Variants in HDAC9 observed in about 807,000 individuals in gnomAD.
HDAC9 encodes the protein MEF-2 interacting transcription repressor (MITR) protein.
HDAC9 carries 41 observed loss-of-function variants against 139.4 expected under a neutral mutation model. The ratio of observed to expected loss-of-function variants is 0.29; its 90% CI spans 0.23 to 0.38. The LOEUF is 0.38. Among genes scored for constraint, HDAC9 ranks in the 10% least tolerant of loss-of-function variants. The pLI is 1.00. For synonymous variants in HDAC9, 517 were observed against 476.2 expected (o/e 1.09, Z -1.12); for missense variants, 1,147 against 1,297.0 (o/e 0.88, Z 1.78).
chr7:18,282,940 C>T (rs1238744528), intron 2 of HDAC9, among the ~76,000 whole-genome samples: 1 of 117,304 alleles, frequency 8.5e-6, no homozygotes, highest in Admixed American at 8.2e-5. Context: ...GTATGTGAAA[C>T]TCTTTGACCT....
At chr7:18,183,261 G>A (rs562224854) in intron 2 of HDAC9, among the ~76,000 whole-genome samples, 5 of 152,222 alleles carry the variant, frequency 3.3e-5, no homozygotes, top group East Asian at 1.9e-4. Context: ...CGCCCGCCTC[G>A]GCCTCCCAAA....
At chr7:18,703,350 T>C (rs921316540) in intron 12 of HDAC9, among the ~76,000 whole-genome samples, 1 of 152,180 alleles carries the variant, frequency 6.6e-6, no homozygotes, top group Non-Finnish European at 1.5e-5. Context: ...TAGATATTCA[T>C]ATATCAAAAA....
intron 2 of HDAC9, among the ~76,000 whole-genome samples, chr7:18,253,630 A>G (rs1453786240): frequency 6.6e-6 from 1 of 152,196 alleles, no homozygotes; most frequent in South Asian, 2.1e-4. Flanking sequence ...GCTTAATACA[A>G]TAAAGGATTA....
intron 1 of HDAC9, among the ~76,000 whole-genome samples, chr7:18,346,258 A>T (rs1782412226): frequency 6.6e-6 from 1 of 152,152 alleles, no homozygotes; most frequent in African/African-American, 2.4e-5. Flanking sequence ...AACCTTTGAA[A>T]TTGATGGCTT....
intron 17 of HDAC9, among the ~76,000 whole-genome samples, chr7:18,811,854 G>C (rs537595569): frequency 4.6e-5 from 7 of 151,468 alleles, no homozygotes; most frequent in Non-Finnish European, 1.0e-4. Context: ...GAAAGAAAGG[G>C]AGAGGGAGAG....
intron 12 of HDAC9, among the ~76,000 whole-genome samples, chr7:18,721,322 C>A (rs1464805551): frequency 1.3e-5 from 2 of 151,790 alleles, no homozygotes; most frequent in African/African-American, 4.8e-5. Context: ...TCATGTATGT[C>A]TTTACTTTTT....
Position 18,777,887 on chromosome 7 carries a change from G to A in HDAC9, c.2214+10732G>A, listed in dbSNP as rs114760738. 2.2e-3 allele frequency among the ~76,000 whole-genome samples: 332 copies of A among 152,026 alleles called. 1 individual carries two copies. The highest frequency in any genetic ancestry group is 7.6e-3 in the African/African-American group (317 of 41,508). On this transcript the variant is annotated intron_variant, in intron 16 of 25. Transcript: ENST00000686413. ...GGCTGATTCACAGCCTCACAGCAGA[G>A]ACTAGCCATTCTTTACACAAACCTT...
intron 25 of HDAC9, among the ~76,000 whole-genome samples, chr7:18,982,638 G>A (rs150022034): frequency 4.5e-4 from 68 of 152,016 alleles, no homozygotes; most frequent in African/African-American, 1.6e-3. Context: ...TTCCCAGTCG[G>A]TGCCACTCCC....
At chr7:18,185,357 C>T (rs1258814692) in intron 2 of HDAC9, among the ~76,000 whole-genome samples, 2 of 152,278 alleles carry the variant, frequency 1.3e-5, no homozygotes, top group East Asian at 1.9e-4. Context: ...TTCGTTAAAC[C>T]TCCAAGGTAA....
At chr7:18,307,582 C>T (rs567318393) in intron 1 of HDAC9, among the ~76,000 whole-genome samples, 14 of 152,246 alleles carry the variant, frequency 9.2e-5, no homozygotes, top group African/African-American at 3.4e-4. Context: ...GCGGGCAGAT[C>T]ACCTGAGGTC....
chr7:18,995,964 A>T, intron 25 of HDAC9, 59 bp from the exon 26 acceptor site: 3 of 1,322,022 alleles, frequency 2.3e-6, no homozygotes, highest in East Asian at 2.5e-5. Context: ...ATGCATGAAA[A>T]TCTACAATGT....
intron 23 of HDAC9, among the ~76,000 whole-genome samples, chr7:18,943,880 G>A (rs986116767): frequency 6.6e-6 from 1 of 152,104 alleles, no homozygotes; most frequent in African/African-American, 2.4e-5. Context: ...TAGGTAGGAT[G>A]CAGGCAGACG....
intron 2 of HDAC9, among the ~76,000 whole-genome samples, chr7:18,175,780 C>CCCT (rs1491121748): frequency 1.7e-5 from 2 of 118,636 alleles, no homozygotes; most frequent in Non-Finnish European, 1.7e-5. Context: ...CCCCCCCCCC[C>CCCT]TTTTTTTAGA....
intron 1 of HDAC9, among the ~76,000 whole-genome samples, chr7:18,403,490 A>C (rs1487817425): frequency 6.6e-6 from 1 of 152,200 alleles, no homozygotes; most frequent in African/African-American, 2.4e-5. Context: ...TATATTCAAA[A>C]ATACACCTGC....
chr7:18,464,390 CAA>C (rs1164307034), intron 1 of HDAC9, among the ~76,000 whole-genome samples: 2 of 151,924 alleles, frequency 1.3e-5, no homozygotes, highest in East Asian at 1.9e-4. Flanking sequence ...AAAAAGTTCT[CAA>C]AGTCATCTTT....
chr7:18,454,268 A>G (rs1285585738), intron 1 of HDAC9, among the ~76,000 whole-genome samples: 1 of 152,100 alleles, frequency 6.6e-6, no homozygotes, highest in Non-Finnish European at 1.5e-5. Flanking sequence ...AATTAATCTT[A>G]TAATTTTAGG....
chr7:18,877,545 G>C (rs771163415), intron 22 of HDAC9, among the ~76,000 whole-genome samples: 5 of 152,174 alleles, frequency 3.3e-5, no homozygotes, highest in Non-Finnish European at 7.3e-5. Flanking sequence ...TAATTACAGA[G>C]AGTGGTTTTG....
intron 21 of HDAC9, among the ~76,000 whole-genome samples, chr7:18,858,765 C>T (rs749135532): frequency 1.3e-5 from 2 of 152,130 alleles, no homozygotes; most frequent in African/African-American, 4.8e-5. Context: ...GTGAACATTG[C>T]AGTTGGAATT....
chr7:18,938,577 AGAGGC>A (rs1183067291), intron 23 of HDAC9, among the ~76,000 whole-genome samples: 1 of 152,186 alleles, frequency 6.6e-6, no homozygotes, highest in East Asian at 1.9e-4. Flanking sequence ...CCTGGGCGAC[AGAGGC>A]GAGACTCCGT....
Sources: allele counts gnomAD v4.1 joint callset (sites outside exome capture counted in the v4.1 genomes callset), GRCh38; gene constraint gnomAD v4.1.1; transcripts MANE v1.5; gene names NCBI Gene and HGNC (gene_info 2026-07-23, HGNC 2026-07-21).